TANC2: variants seen among roughly 807,000 people sequenced by gnomAD.
TANC2 encodes tetratricopeptide repeat, ankyrin repeat and coiled-coil containing 2.
A neutral mutation model predicts 210.5 loss-of-function variants in TANC2; 26 were observed. That is an observed-to-expected ratio of 0.12 (90% CI 0.09 to 0.17). The LOEUF is 0.17. TANC2 is among the 10% of genes least tolerant of loss of function. The pLI, the probability that TANC2 is intolerant of heterozygous loss-of-function variation, is 1.00. For synonymous variants in TANC2, 931 were observed against 967.1 expected (o/e 0.96, Z 0.69); for missense variants, 2,129 against 2,608.9 (o/e 0.82, Z 4.01).
intron 4 of TANC2, among the ~76,000 whole-genome samples, chr17:63,135,033 A>G (rs537776888): frequency 6.6e-6 from 1 of 152,256 alleles, no homozygotes; most frequent in Non-Finnish European, 1.5e-5. Flanking sequence ...CCTGGGCAAC[A>G]TAGTGAGATC....
intron 2 of TANC2, among the ~76,000 whole-genome samples, chr17:63,013,863 T>C (rs919023493): frequency 2.2e-4 from 33 of 152,226 alleles, no homozygotes; most frequent in African/African-American, 6.5e-4. Flanking sequence ...TTTGTCAGTT[T>C]TGGAAAACTA....
chr17:63,122,200 A>G (rs1598430355), intron 4 of TANC2, among the ~76,000 whole-genome samples: 1 of 152,340 alleles, frequency 6.6e-6, no homozygotes, highest in Middle Eastern at 3.4e-3. Flanking sequence ...TTAGCATTTT[A>G]AAGCCTGAGA....
chr17:63,265,221 T>A (rs920345669), intron 8 of TANC2, among the ~76,000 whole-genome samples: 9 of 152,190 alleles, frequency 5.9e-5, no homozygotes, highest in Non-Finnish European at 1.2e-4. Flanking sequence ...GAAATGCTCA[T>A]TGGAGCATTT....
intron 17 of TANC2, chr17:63,390,764 C>T (rs1432608064): frequency 2.0e-5 from 3 of 152,200 alleles, no homozygotes; most frequent in African/African-American, 7.2e-5. Flanking sequence ...GGCAGCCAGC[C>T]CTTCTTACTA....
intron 13 of TANC2, 49 bp downstream of exon 13, chr17:63,351,465 G>A (rs368950841): frequency 2.2e-4 from 326 of 1,468,030 alleles, no homozygotes; most frequent in South Asian, 2.7e-4. Flanking sequence ...CTTGGAAAGA[G>A]CTTAGACTGA....
intron 5 of TANC2, among the ~76,000 whole-genome samples, chr17:63,178,116 G>C (rs950497485): frequency 7.2e-5 from 11 of 152,322 alleles, no homozygotes; most frequent in African/African-American, 2.2e-4. Flanking sequence ...CGGGTCACAA[G>C]GTCAGGAGAT....
intron 5 of TANC2, among the ~76,000 whole-genome samples, chr17:63,167,862 G>T (rs1350456960): frequency 2.2e-5 from 3 of 138,572 alleles, no homozygotes; most frequent in Non-Finnish European, 4.6e-5. Flanking sequence ...TGCAGCCTGG[G>T]TGACAGAGTG....
At chr17:63,373,953 C>G (rs1209984240) in intron 14 of TANC2, among the ~76,000 whole-genome samples, 1 of 151,760 alleles carries the variant, frequency 6.6e-6, no homozygotes, top group Non-Finnish European at 1.5e-5. Flanking sequence ...TGTACTCTGG[C>G]CCAGGCAATG....
intron 21 of TANC2, 83 bp downstream of exon 21, chr17:63,406,360 A>G (rs2048506870): frequency 1.3e-6 from 2 of 1,574,414 alleles, no homozygotes; most frequent in African/African-American, 1.3e-5. Context: ...GGATCCCAGG[A>G]GATGCTAAGA....
chr17:63,133,766 A>T (rs2038999463), intron 4 of TANC2, among the ~76,000 whole-genome samples: 1 of 152,192 alleles, frequency 6.6e-6, no homozygotes, highest in Non-Finnish European at 1.5e-5. Context: ...TTATTCTCAA[A>T]ACACTATTCT....
At chr17:63,027,722 C>T (rs1053385262) in intron 2 of TANC2, among the ~76,000 whole-genome samples, 5 of 151,688 alleles carry the variant, frequency 3.3e-5, no homozygotes, top group Admixed American at 1.3e-4. Context: ...GAAATGAGTG[C>T]GATATTAAAG....
At chr17:63,079,919 G>A (rs2036710301) in intron 3 of TANC2, among the ~76,000 whole-genome samples, 1 of 152,200 alleles carries the variant, frequency 6.6e-6, no homozygotes, top group South Asian at 2.1e-4. Context: ...CTTATTATAT[G>A]TAGGAGATGG....
chr17:63,371,989 C>T (rs2047282445), intron 14 of TANC2, among the ~76,000 whole-genome samples: 1 of 152,166 alleles, frequency 6.6e-6, no homozygotes, highest in African/African-American at 2.4e-5. Context: ...CTCTGCTATC[C>T]TGGATACCAC....
chr17:63,327,019 A>G (rs1182087544), intron 11 of TANC2, among the ~76,000 whole-genome samples: 1 of 152,246 alleles, frequency 6.6e-6, no homozygotes, highest in African/African-American at 2.4e-5. Context: ...AAAGGAACTC[A>G]GACAATTCAA....
intron 6 of TANC2, among the ~76,000 whole-genome samples, chr17:63,200,223 C>T (rs773261010): frequency 4.6e-5 from 7 of 151,870 alleles, no homozygotes; most frequent in East Asian, 1.9e-4. Context: ...GGTGTGATGG[C>T]GCATGCCTAT....
intron 1 of TANC2, among the ~76,000 whole-genome samples, chr17:62,984,630 G>A (rs1199399897): frequency 6.6e-6 from 1 of 151,956 alleles, no homozygotes; most frequent in African/African-American, 2.4e-5. Flanking sequence ...TACTTTTGCT[G>A]TCTCTCATAG....
At chr17:62,997,905 G>T (rs1347087933) in intron 1 of TANC2, among the ~76,000 whole-genome samples, 2 of 152,094 alleles carry the variant, frequency 1.3e-5, no homozygotes, top group African/African-American at 2.4e-5. Flanking sequence ...TATAGAAAAA[G>T]ATATTTTTTA....
At chr17:63,370,030 G>A (rs2047219409) in intron 14 of TANC2, among the ~76,000 whole-genome samples, 1 of 152,064 alleles carries the variant, frequency 6.6e-6, no homozygotes, top group African/African-American at 2.4e-5. Flanking sequence ...ATAGGTCTTA[G>A]CATTTCTCAC....
intron 4 of TANC2, among the ~76,000 whole-genome samples, chr17:63,129,471 TGTCAA>T (rs1215476595): frequency 1.3e-5 from 2 of 152,146 alleles, no homozygotes; most frequent in Non-Finnish European, 1.5e-5. Flanking sequence ...GAACAGTGTA[TGTCAA>T]GTGCTTAGCA....
Sources: allele counts gnomAD v4.1 joint callset (sites outside exome capture counted in the v4.1 genomes callset), GRCh38; gene constraint gnomAD v4.1.1; transcripts MANE v1.5; gene names NCBI Gene and HGNC (gene_info 2026-07-23, HGNC 2026-07-21).